The following METTL24 variants were observed in gnomAD, a reference collection of about 807,000 sequenced individuals.
METTL24 encodes methyltransferase like 24, also known as probable methyltransferase-like protein 24.
A neutral mutation model predicts 32.7 loss-of-function variants in METTL24; 29 were observed. The observed-to-expected ratio is 0.89, with a 90% CI of 0.66 to 1.21. METTL24 has a LOEUF of 1.21. Among genes scored for constraint, METTL24 ranks in the 50% most tolerant of loss-of-function variants. METTL24 has a pLI of 0.00. For synonymous variants in METTL24, 163 were observed against 179.5 expected (o/e 0.91, Z 0.73); for missense variants, 439 against 468.1 (o/e 0.94, Z 0.57).
intron 4 of METTL24, among the ~76,000 whole-genome samples, chr6:110,294,559 T>A (rs1771376848): frequency 6.6e-6 from 1 of 152,014 alleles, no homozygotes; most frequent in Non-Finnish European, 1.5e-5. Context: ...GTAATCCCAA[T>A]AAATATAAAT....
chr6:110,355,655 G>A (rs77636042), intron 1 of METTL24, among the ~76,000 whole-genome samples: 8 of 152,226 alleles, frequency 5.3e-5, no homozygotes, highest in South Asian at 2.1e-4. Flanking sequence ...GGACTCACAC[G>A]TCCGGTTGCC....
At chr6:110,303,732 G>C (rs1325066258) in intron 3 of METTL24, among the ~76,000 whole-genome samples, 1 of 152,230 alleles carries the variant, frequency 6.6e-6, no homozygotes, top group African/African-American at 2.4e-5. Flanking sequence ...GCGGCTGCGG[G>C]TGCAGCTTCA....
chr6:110,307,648 A>T (rs987996554), intron 3 of METTL24, among the ~76,000 whole-genome samples: 1 of 152,204 alleles, frequency 6.6e-6, no homozygotes, highest in Admixed American at 6.5e-5. Context: ...ATTTACAGCT[A>T]CATGGAAGGC....
At chr6:110,300,643 A>G (rs2114733314) in intron 3 of METTL24, among the ~76,000 whole-genome samples, 1 of 151,772 alleles carries the variant, frequency 6.6e-6, no homozygotes, top group Non-Finnish European at 1.5e-5. Flanking sequence ...CTGGTCTCGA[A>G]CTCCTGACCT....
At chr6:110,330,988 A>C (rs898752958) in intron 1 of METTL24, among the ~76,000 whole-genome samples, 1 of 152,234 alleles carries the variant, frequency 6.6e-6, no homozygotes, top group African/African-American at 2.4e-5. Context: ...CAAAGACTTA[A>C]GAGCAACATT....
intron 2 of METTL24, among the ~76,000 whole-genome samples, chr6:110,320,492 C>T (rs1471537017): frequency 6.6e-6 from 1 of 152,072 alleles, no homozygotes; most frequent in Non-Finnish European, 1.5e-5. Flanking sequence ...TTCTAGTAAC[C>T]CGGAAGTACA....
intron 2 of METTL24, 33 bp downstream of exon 2, chr6:110,322,741 T>C: frequency 3.2e-6 from 5 of 1,563,098 alleles, no homozygotes; most frequent in Non-Finnish European, 4.4e-6. Context: ...TCTTTCACAT[T>C]CTTCTCTAAC....
intron 4 of METTL24, among the ~76,000 whole-genome samples, chr6:110,278,358 G>A (rs1447069657): frequency 6.6e-6 from 1 of 152,098 alleles, no homozygotes; most frequent in Admixed American, 6.6e-5. Flanking sequence ...TTTCCTCTTT[G>A]GAACAGCTTG....
intron 4 of METTL24, among the ~76,000 whole-genome samples, chr6:110,259,589 G>A (rs1778451945): frequency 6.6e-6 from 1 of 152,232 alleles, no homozygotes; most frequent in Admixed American, 6.5e-5. Flanking sequence ...AGACTTAAAT[G>A]TCTCTGTCTG....
chr6:110,292,154 G>A (rs143879008), intron 4 of METTL24, among the ~76,000 whole-genome samples: 2 of 152,186 alleles, frequency 1.3e-5, no homozygotes, highest in Non-Finnish European at 1.5e-5. Context: ...TGGCTATGCA[G>A]ATTGTTTTCT....
chr6:110,318,115 G>A (rs1771858856), intron 2 of METTL24, among the ~76,000 whole-genome samples: 1 of 152,176 alleles, frequency 6.6e-6, no homozygotes, highest in African/African-American at 2.4e-5. Flanking sequence ...TTAGCCAGAG[G>A]CCTCCAAAAG....
intron 3 of METTL24, among the ~76,000 whole-genome samples, chr6:110,312,191 C>CA (rs1476719464): frequency 6.6e-6 from 1 of 151,940 alleles, no homozygotes; most frequent in African/African-American, 2.4e-5. Flanking sequence ...ATTAAAAAGA[C>CA]AAAAAATAAC....
intron 1 of METTL24, among the ~76,000 whole-genome samples, chr6:110,327,127 A>T (rs926215525): frequency 2.0e-5 from 3 of 152,212 alleles, no homozygotes; most frequent in Non-Finnish European, 4.4e-5. Flanking sequence ...TGGGGGCACA[A>T]AAAGGTACAG....
chr6:110,294,050 C>T (rs1004173710), intron 4 of METTL24, among the ~76,000 whole-genome samples: 4 of 151,936 alleles, frequency 2.6e-5, no homozygotes, highest in Admixed American at 6.6e-5. Flanking sequence ...AAAAACAATA[C>T]ATACAAATGG....
At chr6:110,267,046 T>TA (rs1562220501) in intron 4 of METTL24, among the ~76,000 whole-genome samples, 3 of 152,080 alleles carry the variant, frequency 2.0e-5, no homozygotes, top group African/African-American at 4.8e-5. Context: ...TGCTTTTTTT[T>TA]TAAAAAAAAA....
intron 3 of METTL24, among the ~76,000 whole-genome samples, chr6:110,311,628 C>T (rs2114743834): frequency 6.6e-6 from 1 of 152,052 alleles, no homozygotes; most frequent in East Asian, 1.9e-4. Context: ...CGTGCACCAC[C>T]ATGCCCGGCT....
chr6:110,286,430 T>G (rs1221459919), intron 4 of METTL24, among the ~76,000 whole-genome samples: 1 of 152,206 alleles, frequency 6.6e-6, no homozygotes, highest in Admixed American at 6.5e-5. Flanking sequence ...GAGTGACATT[T>G]TAATCAAGCT....
chr6:110,263,814 C>T (rs2114702383), intron 4 of METTL24, among the ~76,000 whole-genome samples: 1 of 152,220 alleles, frequency 6.6e-6, no homozygotes, highest in African/African-American at 2.4e-5. Context: ...AGAAATAATG[C>T]CACATATCTA....
chr6:110,311,096 CG>C (rs1240694620), intron 3 of METTL24, among the ~76,000 whole-genome samples: 1 of 152,050 alleles, frequency 6.6e-6, no homozygotes, highest in Non-Finnish European at 1.5e-5. Context: ...GCTGGGAACC[CG>C]GGGCCACCTT....
Sources: gnomAD v4.1 joint callset for allele counts (sites outside exome capture counted in the v4.1 genomes callset) on GRCh38, gnomAD v4.1.1 for gene constraint, MANE v1.5 for transcripts, NCBI Gene and HGNC (gene_info 2026-07-23, HGNC 2026-07-21) for gene names.